MRTFB: variants seen among roughly 807,000 people sequenced by gnomAD.
The protein encoded by MRTFB is myocardin-related transcription factor B.
A neutral mutation model predicts 104.2 loss-of-function variants in MRTFB; 29 were observed. That is an observed-to-expected ratio of 0.28 (90% CI 0.21 to 0.38). The LOEUF is 0.38. MRTFB is among the 10% of genes least tolerant of loss of function. MRTFB has a pLI of 1.00. For synonymous variants in MRTFB, 535 were observed against 519.5 expected (o/e 1.03, Z -0.41); for missense variants, 1,270 against 1,341.6 (o/e 0.95, Z 0.83).
chr16:14,083,789 C>T (rs752048266), intron 2 of MRTFB, among the ~76,000 whole-genome samples: 48 of 152,088 alleles, frequency 3.2e-4, no homozygotes, highest in Non-Finnish European at 5.6e-4. Context: ...GATAGTTGTT[C>T]GAATTGATGT....
intron 8 of MRTFB, among the ~76,000 whole-genome samples, chr16:14,220,778 T>TA (rs1192670876): frequency 6.6e-6 from 1 of 152,204 alleles, no homozygotes; most frequent in Non-Finnish European, 1.5e-5. Context: ...GTCAGCTTTT[T>TA]ATCTGTCAAC....
intron 8 of MRTFB, among the ~76,000 whole-genome samples, chr16:14,220,079 T>G (rs764381528): frequency 4.6e-5 from 7 of 152,152 alleles, no homozygotes; most frequent in Non-Finnish European, 7.4e-5. Flanking sequence ...ACAGTTCCGA[T>G]TGTCCTCTCC....
intron 2 of MRTFB, among the ~76,000 whole-genome samples, chr16:14,124,338 G>T (rs957954566): frequency 1.3e-5 from 2 of 152,132 alleles, no homozygotes; most frequent in African/African-American, 4.8e-5. Flanking sequence ...TCCTTGTCTT[G>T]TGCCAGTTTT....
At chr16:14,022,585 C>T in the MRTFB span, among the ~76,000 whole-genome samples, 1 of 151,976 alleles carries the variant, frequency 6.6e-6, no homozygotes, top group African/African-American at 2.4e-5. Context: ...TTAGTAAAGA[C>T]AGGGTTTCAC....
intron 3 of MRTFB, among the ~76,000 whole-genome samples, chr16:14,164,130 G>A (rs557029011): frequency 3.3e-5 from 5 of 152,226 alleles, no homozygotes; most frequent in African/African-American, 9.6e-5. Context: ...CTATTCTGCT[G>A]TTGAACTTTA....
the MRTFB span, among the ~76,000 whole-genome samples, chr16:13,999,191 C>CA: frequency 0.075 from 5,877 of 78,058 alleles, 155 homozygotes; most frequent in Non-Finnish European, 0.11. Flanking sequence ...ACTCTGTCTC[C>CA]AAAAAAAAAA....
the MRTFB span, among the ~76,000 whole-genome samples, chr16:14,012,281 TTTTC>T: frequency 7.0e-6 from 1 of 143,022 alleles, no homozygotes; most frequent in African/African-American, 2.8e-5. Context: ...AACCTTGACA[TTTTC>T]TTTTTCTTTC....
At chr16:14,180,135 A>G (rs1054413085) in intron 3 of MRTFB, among the ~76,000 whole-genome samples, 1 of 152,246 alleles carries the variant, frequency 6.6e-6, no homozygotes, top group South Asian at 2.1e-4. Context: ...AAGAGGAGAA[A>G]GTGGCAGTCA....
chr16:14,242,920 C>T (rs758780787), intron 10 of MRTFB, among the ~76,000 whole-genome samples: 1 of 151,560 alleles, frequency 6.6e-6, no homozygotes, highest in African/African-American at 2.4e-5. Context: ...GGGGGTAATA[C>T]CACTCACAAG....
chr16:14,032,224 C>G, the MRTFB span, among the ~76,000 whole-genome samples: 2 of 152,198 alleles, frequency 1.3e-5, no homozygotes, highest in East Asian at 3.9e-4. Flanking sequence ...CATCCCTGAC[C>G]TCAGGGGAGG....
chr16:14,147,999 C>G (rs1158366934), intron 3 of MRTFB, among the ~76,000 whole-genome samples: 2 of 152,138 alleles, frequency 1.3e-5, no homozygotes, highest in Non-Finnish European at 2.9e-5. Context: ...CACAGAAGTA[C>G]ATTATTTTCT....
At chr16:14,242,881 C>A (rs13331801) in intron 10 of MRTFB, among the ~76,000 whole-genome samples, 21,511 of 151,966 alleles carry the variant, frequency 0.14, 3,634 homozygotes, top group African/African-American at 0.41. Context: ...AAAAAACATC[C>A]TGAGTAGAAT....
At chr16:14,109,191 A>G (rs905703067) in intron 2 of MRTFB, among the ~76,000 whole-genome samples, 6 of 152,194 alleles carry the variant, frequency 3.9e-5, no homozygotes, top group Non-Finnish European at 7.3e-5. Context: ...TTCCCAAGGA[A>G]GCTGTTGTGT....
chr16:14,152,856 A>C (rs2038681823), intron 3 of MRTFB: 2 of 152,200 alleles, frequency 1.3e-5, no homozygotes, highest in Admixed American at 1.3e-4. Flanking sequence ...GAATTAACAG[A>C]GTTTTAACTG....
chr16:14,121,988 T>C (rs2036867228), intron 2 of MRTFB, among the ~76,000 whole-genome samples: 1 of 152,198 alleles, frequency 6.6e-6, no homozygotes, highest in Non-Finnish European at 1.5e-5. Context: ...TCTCTGTCAC[T>C]CTCTACCAGC....
the MRTFB span, among the ~76,000 whole-genome samples, chr16:14,063,659 T>C: frequency 1.9e-4 from 29 of 152,294 alleles, no homozygotes; most frequent in Middle Eastern, 6.8e-3. Context: ...TCCAGCTCCA[T>C]CCACCATTCC....
Position 14,240,420 on chromosome 16 carries a change from C to T in MRTFB, c.1015C>T (p.Leu339=). The T allele has an allele frequency of 6.2e-7, 1 of 1,614,256 alleles. No individual in the cohort carries two copies. Among genetic ancestry groups the T allele is most frequent in the African/African-American group, 1.3e-5 (1 of 75,064 alleles). The change falls in exon 10 of 17, where the codon CTG becomes TTG. Residue 339 remains leucine, a synonymous_variant. Coordinates refer to ENST00000571589, the MANE Select transcript of MRTFB (RefSeq NM_001308142.2). ...CCAGCAGCAGCAGCTGTTCCTGCAA[C>T]TGCAGATCCTGAGTCAGCAGAAGCA... The part of the protein sequence containing the change: ...LLQQQQLFLQ[L]QILSQQKQHY...
intron 3 of MRTFB, among the ~76,000 whole-genome samples, chr16:14,187,624 C>T (rs558956082): frequency 6.6e-6 from 1 of 152,142 alleles, no homozygotes; most frequent in African/African-American, 2.4e-5. Context: ...TAAATACTGT[C>T]GATTATTATT....
At chr16:14,179,776 G>A (rs1476245632) in intron 3 of MRTFB, among the ~76,000 whole-genome samples, 1 of 152,186 alleles carries the variant, frequency 6.6e-6, no homozygotes, top group African/African-American at 2.4e-5. Context: ...GACTGAAGTC[G>A]ATGAATAGAA....
Sources: gnomAD v4.1 joint callset for allele counts (sites outside exome capture counted in the v4.1 genomes callset) on GRCh38, gnomAD v4.1.1 for gene constraint, MANE v1.5 for transcripts, NCBI Gene and HGNC (gene_info 2026-07-23, HGNC 2026-07-21) for gene names.